PTPRR: variants seen among roughly 807,000 people sequenced by gnomAD.
PTPRR encodes the protein receptor-type tyrosine-protein phosphatase R.
In PTPRR, 38 loss-of-function variants were observed where a neutral mutation model predicts 77.2. That is an observed-to-expected ratio of 0.49 (90% CI 0.38 to 0.65). PTPRR has a LOEUF of 0.65. Ranked by LOEUF, PTPRR falls within the 30% of genes least tolerant of loss-of-function variation. The pLI is 0.00. For synonymous variants in PTPRR, 299 were observed against 283.1 expected (o/e 1.06, Z -0.57); for missense variants, 744 against 799.2 (o/e 0.93, Z 0.83).
intron 10 of PTPRR, among the ~76,000 whole-genome samples, chr12:70,666,973 T>A (rs1887030726): frequency 1.8e-5 from 2 of 108,720 alleles, no homozygotes; most frequent in African/African-American, 4.3e-5. Context: ...TTTTTTTTTT[T>A]GAGACGGAGT....
intron 2 of PTPRR, among the ~76,000 whole-genome samples, chr12:70,864,669 C>T (rs889755868): frequency 6.6e-6 from 1 of 152,156 alleles, no homozygotes; most frequent in African/African-American, 2.4e-5. Context: ...GTGTCCCCAC[C>T]AAAATCTCAT....
intron 2 of PTPRR, among the ~76,000 whole-genome samples, chr12:70,814,302 G>A (rs1221219309): frequency 6.6e-6 from 1 of 152,158 alleles, no homozygotes; most frequent in African/African-American, 2.4e-5. Context: ...CCTTAATTAA[G>A]GGGGAGGGCT....
intron 2 of PTPRR, among the ~76,000 whole-genome samples, chr12:70,866,384 T>G (rs1267965134): frequency 6.6e-6 from 1 of 151,574 alleles, no homozygotes; most frequent in African/African-American, 2.4e-5. Context: ...CAAACTACCA[T>G]CAGAGAATAC....
chr12:70,671,269 C>T lies in PTPRR; in HGVS notation c.1498-8664G>A, dbSNP rs148061335. The stretch of plus-strand genomic sequence containing the variant: ...CGTTTCCTGTATTGTATTATATTTA[C>T]GTCTTTGGAGAGTCTAGACAGAAAT... On this transcript the variant is annotated intron_variant, in intron 10 of 13. Transcript: ENST00000283228. Among the ~76,000 whole-genome samples, 754 of 152,056 alleles carry T rather than the reference C, an allele frequency of 5.0e-3. 3 individuals carry two copies. Among genetic ancestry groups the T allele is most frequent in the African/African-American group, 0.017 (708 of 41,482 alleles).
At chr12:70,783,379 A>C (rs1034021537) in intron 2 of PTPRR, among the ~76,000 whole-genome samples, 3 of 151,878 alleles carry the variant, frequency 2.0e-5, no homozygotes, top group Non-Finnish European at 4.4e-5. Flanking sequence ...TCCTCTCTGT[A>C]GCTGGTAGTC....
chr12:70,746,157 C>T (rs771199235), intron 5 of PTPRR, 71 bp from the exon 6 acceptor site: 360 of 1,417,480 alleles, frequency 2.5e-4, no homozygotes, highest in Non-Finnish European at 3.3e-4. Context: ...CTCCTCCACC[C>T]CACCCTGGCC....
chr12:70,691,377 G>A (rs187128468), intron 8 of PTPRR, among the ~76,000 whole-genome samples: 21 of 151,868 alleles, frequency 1.4e-4, no homozygotes, highest in East Asian at 1.4e-3. Context: ...CTCCCTTTTC[G>A]GTGGCCTCTT....
chr12:70,869,038 GT>G (rs1344768373), intron 2 of PTPRR, among the ~76,000 whole-genome samples: 7 of 102,882 alleles, frequency 6.8e-5, no homozygotes, highest in African/African-American at 1.9e-4. Flanking sequence ...CTGTTGTGGG[GT>G]GGGGGGAGGG....
At chr12:70,828,040 C>T (rs1030641005) in intron 2 of PTPRR, among the ~76,000 whole-genome samples, 2 of 151,994 alleles carry the variant, frequency 1.3e-5, no homozygotes, top group Non-Finnish European at 2.9e-5. Flanking sequence ...TTCATAAGGG[C>T]GCTAATCCCG....
At chr12:70,651,585 A>G (rs1387799028) in intron 13 of PTPRR, among the ~76,000 whole-genome samples, 1 of 152,186 alleles carries the variant, frequency 6.6e-6, no homozygotes, top group Non-Finnish European at 1.5e-5. Context: ...TTTAAAAATT[A>G]TGGTGTCCCG....
chr12:70,879,795 A>G (rs1219646070), intron 2 of PTPRR, among the ~76,000 whole-genome samples: 1 of 152,320 alleles, frequency 6.6e-6, no homozygotes, highest in Non-Finnish European at 1.5e-5. Context: ...TACAGAAAAG[A>G]TTTGGGGCAG....
Position 70,698,298 on chromosome 12 carries a change from C to T in PTPRR, c.1246G>A (p.Gly416Arg). ...ATGGTCTTATAGCGATTTTTAGTTC[C>T]ATGACGCGGAATATCAATTTCTTTG... ...DPKEIDIPRH[G>R]TKNRYKTILP... Residue 416 changes from glycine (G) to arginine (R), a missense_variant, in exon 8 of 14, where the codon GGA becomes AGA. This residue lies in a region of PTPRR where 570 missense variants were observed against 573.2 expected (regional missense o/e 0.99). Coordinates refer to ENST00000283228, the MANE Select transcript of PTPRR (RefSeq NM_002849.4). 6.2e-7 allele frequency: 1 copy of T among 1,613,024 alleles called. No homozygotes were observed. Among genetic ancestry groups the T allele is most frequent in the Non-Finnish European group, 8.5e-7 (1 of 1,179,388 alleles).
At chr12:70,674,193 C>T (rs1470299136) in intron 10 of PTPRR, among the ~76,000 whole-genome samples, 1 of 152,088 alleles carries the variant, frequency 6.6e-6, no homozygotes, top group Non-Finnish European at 1.5e-5. Context: ...ACTCAGCCTC[C>T]CAAAGTGCTG....
At position 70,701,312 on chromosome 12, in the gene PTPRR, T is replaced by C. The variant is rs780122286; in HGVS notation, c.1019A>G (p.Asn340Ser). Reference sequence around the variant, plus strand: ...ACTCATGTCCAATGTAAGAGATACGTTGGACCCTCTTCTACATTGGAGAAG... The same window carrying C: ...ACTCATGTCCAATGTAAGAGATACGCTGGACCCTCTTCTACATTGGAGAAG... ...PIGLQERRGSNVSLTLDMSSL... is the reference protein window; with the variant it reads ...PIGLQERRGSSVSLTLDMSSL... The change falls in exon 7 of 14, where the codon AAC becomes AGC. Residue 340 changes from asparagine (N) to serine (S), a missense_variant. This residue lies in a region of PTPRR where 570 missense variants were observed against 573.2 expected (regional missense o/e 0.99). Transcript: ENST00000283228. 8 of 1,613,646 alleles carry C rather than the reference T, an allele frequency of 5.0e-6. No individual in the cohort carries two copies. The highest frequency in any genetic ancestry group is 1.6e-4 in the Middle Eastern group (1 of 6,074).
chr12:70,871,427 C>G (rs1016085566), intron 2 of PTPRR, among the ~76,000 whole-genome samples: 5 of 152,150 alleles, frequency 3.3e-5, no homozygotes, highest in African/African-American at 1.2e-4. Flanking sequence ...TGACTTTGCT[C>G]TTAGAGGCTA....
chr12:70,859,421 G>A (rs111808742), intron 2 of PTPRR, among the ~76,000 whole-genome samples: 3,920 of 152,042 alleles, frequency 0.026, 67 homozygotes, highest in Middle Eastern at 0.041. Context: ...AAGAGAAGTT[G>A]TTTGTTGTTA....
At chr12:70,891,627 T>C (rs1893337074) in intron 2 of PTPRR, among the ~76,000 whole-genome samples, 1 of 152,138 alleles carries the variant, frequency 6.6e-6, no homozygotes, top group Non-Finnish European at 1.5e-5. Flanking sequence ...CAAGAGACTG[T>C]ATTTCATTTG....
At chr12:70,783,030 G>A (rs988469743) in intron 2 of PTPRR, among the ~76,000 whole-genome samples, 3 of 152,092 alleles carry the variant, frequency 2.0e-5, no homozygotes, top group African/African-American at 7.2e-5. Context: ...TCTTTAATGT[G>A]GGCCCTACAT....
intron 1 of PTPRR, among the ~76,000 whole-genome samples, chr12:70,908,565 C>T (rs1377345542): frequency 6.6e-6 from 1 of 152,110 alleles, no homozygotes; most frequent in African/African-American, 2.4e-5. Context: ...TAGAGGAAGC[C>T]GCCCCATGAT....
Sources: gnomAD v4.1 joint callset for allele counts (sites outside exome capture counted in the v4.1 genomes callset) on GRCh38, gnomAD v4.1.1 for gene constraint, gnomAD v4.1.1 regional missense constraint, MANE v1.5 for transcripts, NCBI Gene and HGNC (gene_info 2026-07-23, HGNC 2026-07-21) for gene names.